TMEM30A: variants seen among roughly 807,000 people sequenced by gnomAD.
The protein encoded by TMEM30A is cell cycle control protein 50A.
A neutral mutation model predicts 38.2 loss-of-function variants in TMEM30A; 24 were observed. The observed-to-expected ratio is 0.63, with a 90% confidence interval of 0.46 to 0.88. The LOEUF (loss-of-function observed/expected upper bound fraction) is 0.88. Among genes scored for constraint, TMEM30A ranks in the 40% least tolerant of loss-of-function variants. TMEM30A has a pLI of 0.00. For missense variants in TMEM30A, 370 were observed against 458.6 expected (o/e 0.81, Z 1.77); for synonymous variants, 145 against 161.6 (o/e 0.90, Z 0.78).
At chr6:75,278,650 T>G (rs1179429334) in intron 1 of TMEM30A, among the ~76,000 whole-genome samples, 2 of 152,162 alleles carry the variant, frequency 1.3e-5, no homozygotes, top group Non-Finnish European at 2.9e-5. Flanking sequence ...TCACACTATG[T>G]TCCTAAGCCA....
chr6:75,282,505 C>T (rs1772375753), intron 1 of TMEM30A, among the ~76,000 whole-genome samples: 1 of 152,046 alleles, frequency 6.6e-6, no homozygotes, highest in Admixed American at 6.6e-5. Context: ...CTATTTTCAT[C>T]TTATTATCTT....
intron 1 of TMEM30A, among the ~76,000 whole-genome samples, chr6:75,270,119 T>C (rs1772140834): frequency 6.6e-6 from 1 of 152,226 alleles, no homozygotes; most frequent in Admixed American, 6.5e-5. Flanking sequence ...TGTTTACTTT[T>C]GTAAGAAACT....
intron 4 of TMEM30A, among the ~76,000 whole-genome samples, 199 bp downstream of exon 4, chr6:75,260,623 TCA>T (rs764506830): frequency 1.1e-4 from 16 of 152,154 alleles, no homozygotes; most frequent in Non-Finnish European, 2.2e-4. Context: ...TTCTTTCTTC[TCA>T]GAGACAGAAA....
At chr6:75,283,051 A>G (rs1772385715) in intron 1 of TMEM30A, among the ~76,000 whole-genome samples, 1 of 151,782 alleles carries the variant, frequency 6.6e-6, no homozygotes, top group Non-Finnish European at 1.5e-5. Context: ...ATACATGCTG[A>G]AAAAAAATAC....
Position 75,284,791 on chromosome 6 carries a change from A to C in TMEM30A, c.-153T>G. 1 of 734,430 alleles carries C rather than the reference A, an allele frequency of 1.4e-6. No homozygotes were observed. The highest frequency in any genetic ancestry group is 2.3e-6 in the Non-Finnish European group (1 of 429,026). The allele number at this position is 734,430 out of a possible 1,614,324, so 45.5% of individuals were successfully genotyped here. A position where few individuals can be genotyped will look rare whatever the true frequency, so the allele number is the denominator to read the frequency against. On this transcript the variant is annotated 5_prime_UTR_variant, in exon 1 of 7. Transcript: ENST00000230461. ...AGCCACCTCCGCTGTAGAGCGGAAG[A>C]GGCGGGACACTCTTCCGCCAAAGGC...
intron 1 of TMEM30A, among the ~76,000 whole-genome samples, chr6:75,274,882 G>A (rs1444506940): frequency 6.6e-6 from 1 of 152,108 alleles, no homozygotes; most frequent in African/African-American, 2.4e-5. Flanking sequence ...CTGGTGGCGG[G>A]CGCCTGTAGT....
chr6:75,256,038 A>G lies in TMEM30A; in HGVS notation c.*64T>C. The G allele has an allele frequency of 6.7e-6, 8 of 1,187,218 alleles. No homozygotes were observed. Among genetic ancestry groups the G allele is most frequent in the Non-Finnish European group, 9.4e-6 (8 of 851,776 alleles). 73.5% of individuals were successfully genotyped at this position (1,187,218 alleles called of 1,614,324 possible). On this transcript the variant is annotated 3_prime_UTR_variant, in exon 7 of 7. Transcript: ENST00000230461. ...CATACTAACCAGATATCAGCATTCG[A>G]AAGCTAGGTTGAATAGGACTGGCCT...
intron 6 of TMEM30A, among the ~76,000 whole-genome samples, chr6:75,257,666 T>C (rs1290227670): frequency 6.6e-6 from 1 of 152,168 alleles, no homozygotes; most frequent in Non-Finnish European, 1.5e-5. Flanking sequence ...TTTCAAAAAC[T>C]TGGTCACTTT....
Position 75,254,824 on chromosome 6 carries a change from A to G in TMEM30A, c.*1278T>C, listed in dbSNP as rs1164780754. 2 of 152,574 alleles carry G rather than the reference A, an allele frequency of 1.3e-5. No homozygotes were observed. 9.5% of individuals were successfully genotyped at this position (152,574 alleles called of 1,614,324 possible). A position where few individuals can be genotyped will look rare whatever the true frequency, so the allele number is the denominator to read the frequency against. On this transcript the variant is annotated 3_prime_UTR_variant, in exon 7 of 7. Transcript: ENST00000230461. ...TGTGGAAAAATTATTTTTAACTAGA[A>G]CTTTAAGAATAAGTTCCATAGCAAA...
At chr6:75,270,583 A>G (rs1352161307) in intron 1 of TMEM30A, among the ~76,000 whole-genome samples, 2 of 152,196 alleles carry the variant, frequency 1.3e-5, no homozygotes, top group Non-Finnish European at 2.9e-5. Context: ...AAGGGACCTC[A>G]CTAGGAGCTG....
chr6:75,276,880 T>G (rs1349973309), intron 1 of TMEM30A, among the ~76,000 whole-genome samples: 2 of 152,156 alleles, frequency 1.3e-5, no homozygotes, highest in Non-Finnish European at 2.9e-5. Flanking sequence ...TTGTTGTTCC[T>G]CAAACACCTA....
At chr6:75,267,100 T>A (rs1772082250) in intron 2 of TMEM30A, among the ~76,000 whole-genome samples, 1 of 152,180 alleles carries the variant, frequency 6.6e-6, no homozygotes, top group African/African-American at 2.4e-5. Flanking sequence ...AATCTTTATG[T>A]CCGTTAGCAT....
Position 75,255,362 on chromosome 6 carries a change from G to C in TMEM30A, c.*740C>G, listed in dbSNP as rs1771850855. On this transcript the variant is annotated 3_prime_UTR_variant, in exon 7 of 7. Transcript: ENST00000230461. Reference sequence around the variant, plus strand: ...CCCTTATAAAGTATAAGCTTCAAGGGAAATGATTACATATAAAAACATTCC... The same window carrying C: ...CCCTTATAAAGTATAAGCTTCAAGGCAAATGATTACATATAAAAACATTCC... 1 of 152,476 alleles carries C rather than the reference G, an allele frequency of 6.6e-6. No individual in the cohort carries two copies. The highest frequency in any genetic ancestry group is 2.4e-5 in the African/African-American group (1 of 41,418). 9.4% of individuals were successfully genotyped at this position (152,476 alleles called of 1,614,324 possible).
intron 6 of TMEM30A, 36 bp from the exon 7 acceptor site, chr6:75,256,331 T>G: frequency 6.5e-7 from 1 of 1,535,274 alleles, no homozygotes; most frequent in Non-Finnish European, 8.8e-7. Flanking sequence ...CCATCTCTGG[T>G]TACTTGATGT....
Position 75,255,144 on chromosome 6 carries a change from T to C in TMEM30A, c.*958A>G, listed in dbSNP as rs1771847748. 1 of 152,540 alleles carries C rather than the reference T, an allele frequency of 6.6e-6. No individual in the cohort carries two copies. Among genetic ancestry groups the C allele is most frequent in the African/African-American group, 2.4e-5 (1 of 41,454 alleles). The allele number at this position is 152,540 out of a possible 1,614,324, so 9.4% of individuals were successfully genotyped here. On this transcript the variant is annotated 3_prime_UTR_variant, in exon 7 of 7. Coordinates refer to ENST00000230461, the MANE Select transcript of TMEM30A (RefSeq NM_018247.4). ...CTGCTTTCAAAAATTTCTGGAATAT[T>C]AGTACTTAAGTCAAAACACTTACCT...
Position 75,258,986 on chromosome 6 carries a change from C to T in TMEM30A, c.686G>A (p.Gly229Asp), listed in dbSNP as rs762622330. The change falls in exon 6 of 7, where the codon GGT (glycine) becomes GAT (aspartate). Residue 229 changes from glycine (G) to aspartate (D), a missense_variant and splice_region_variant. Transcript: ENST00000230461. ...GGDNLEERFK[G>D]TTKPVNWLKP... is the part of the protein sequence containing the mutation. The stretch of plus-strand genomic sequence containing the variant: ...AAGCCAGTTCACAGGCTTTGTTGTA[C>T]CTTAAAAGGAGTGGGGAGGGGATAA... 3.1e-6 allele frequency: 5 copies of T among 1,612,588 alleles called. No homozygotes were observed. The highest frequency in any genetic ancestry group is 2.2e-5 in the South Asian group (2 of 91,008).
At position 75,270,865 on chromosome 6, in the gene TMEM30A, T is replaced by A. The variant is rs1417185047; in HGVS notation, c.238-3117A>T. Among the ~76,000 whole-genome samples, 4 of 152,336 alleles carry A rather than the reference T, an allele frequency of 2.6e-5. No individual in the cohort carries two copies. The East Asian group carries it at 7.7e-4, about 29-fold the overall frequency. On this transcript the variant is annotated intron_variant, in intron 1 of 6. Transcript: ENST00000230461. Reference sequence around the variant, plus strand: ...TGAAATTGTTTAGAGAAACTTTTCTTTCACTGCATAATTAAAGAAGAGCTA... The same window carrying A: ...TGAAATTGTTTAGAGAAACTTTTCTATCACTGCATAATTAAAGAAGAGCTA...
intron 3 of TMEM30A, 133 bp downstream of exon 3, chr6:75,265,098 G>GC: frequency 1.9e-6 from 1 of 536,944 alleles, no homozygotes; most frequent in Non-Finnish European, 3.1e-6. Flanking sequence ...CTCCATCTCG[G>GC]GGGGAAAAAA....
At chr6:75,263,573 G>C (rs189565919) in intron 3 of TMEM30A, among the ~76,000 whole-genome samples, 2 of 152,296 alleles carry the variant, frequency 1.3e-5, no homozygotes, top group East Asian at 3.9e-4. Flanking sequence ...AGCAGGCCTT[G>C]AGATGAGAAG....
Sources: allele counts gnomAD v4.1 joint callset (sites outside exome capture counted in the v4.1 genomes callset), GRCh38; gene constraint gnomAD v4.1.1; transcripts MANE v1.5; gene names NCBI Gene and HGNC (gene_info 2026-07-23, HGNC 2026-07-21).